CORIN: variants seen among roughly 807,000 people sequenced by gnomAD.
CORIN encodes corin, serine peptidase.
Under a neutral mutation model 125.3 loss-of-function variants are expected in CORIN, and 117 were observed. The ratio of observed to expected loss-of-function variants is 0.93; its 90% CI spans 0.80 to 1.09. CORIN has a LOEUF of 1.09. Among genes scored for constraint, CORIN ranks in the 50% least tolerant of loss-of-function variants. The pLI is 0.00. For synonymous variants in CORIN, 450 were observed against 466.4 expected (o/e 0.96, Z 0.45); for missense variants, 1,253 against 1,306.7 (o/e 0.96, Z 0.63).
At chr4:47,710,602 C>T (rs34122903) in intron 5 of CORIN, among the ~76,000 whole-genome samples, 14,963 of 152,228 alleles carry the variant, frequency 0.098, 869 homozygotes, top group East Asian at 0.27. Context: ...CCCTATAGAG[C>T]TCCTCCTTCC....
intron 19 of CORIN, among the ~76,000 whole-genome samples, chr4:47,606,948 TG>T (rs1721673440): frequency 6.6e-6 from 1 of 152,254 alleles, no homozygotes; most frequent in Admixed American, 6.5e-5. Context: ...TACTAAGTTT[TG>T]GCTGTGAAAA....
rs547315422 is a variant in CORIN at position 47,734,795 on chromosome 4, G to A, written c.799+9607C>T. Among the ~76,000 whole-genome samples, 8 of 152,284 alleles carry A rather than the reference G, an allele frequency of 5.3e-5. No homozygotes were observed. In the South Asian group the frequency reaches 1.7e-3, roughly 32 times the overall value. On this transcript the variant is annotated intron_variant, in intron 5 of 21. Coordinates refer to ENST00000273857, the MANE Select transcript of CORIN (RefSeq NM_006587.4). ...CATGTACATTGTAGGATGTTTGGCA[G>A]CATATCTTGCCTCTACCTACTAGGT...
At chr4:47,712,886 T>C (rs73142087) in intron 5 of CORIN, among the ~76,000 whole-genome samples, 54 of 152,080 alleles carry the variant, frequency 3.6e-4, no homozygotes, top group African/African-American at 1.2e-3. Flanking sequence ...GAGAGAAACA[T>C]AAAAGGAAGA....
intron 1 of CORIN, among the ~76,000 whole-genome samples, chr4:47,807,504 A>C (rs1383389749): frequency 6.6e-6 from 1 of 152,172 alleles, no homozygotes; most frequent in Non-Finnish European, 1.5e-5. Context: ...ACCAAATGTG[A>C]ATGAATCTGG....
chr4:47,708,833 A>G (rs1294664760), intron 5 of CORIN, among the ~76,000 whole-genome samples: 1 of 152,218 alleles, frequency 6.6e-6, no homozygotes, highest in Non-Finnish European at 1.5e-5. Flanking sequence ...CATCTTGGCC[A>G]TGCAAGATCA....
chr4:47,801,351 G>A (rs1731532448), intron 2 of CORIN, among the ~76,000 whole-genome samples: 1 of 152,108 alleles, frequency 6.6e-6, no homozygotes, highest in South Asian at 2.1e-4. Flanking sequence ...AACTAACCTG[G>A]TTAGATACAG....
rs746921612 is a variant in CORIN, at chr4:47,632,766, G to GAT, written c.2199-6246_2199-6245insAT. ...AGATAGATAGATAGATAGATAGATA[G>GAT]AGATAGATAGTTAGATAGATTTTTT... On this transcript the variant is annotated intron_variant, in intron 16 of 21. Transcript: ENST00000273857. 9.8e-3 allele frequency among the ~76,000 whole-genome samples: 621 copies of GAT among 63,422 alleles called. 6 individuals carry two copies. The highest frequency in any genetic ancestry group is 0.013 in the Non-Finnish European group (387 of 30,614). The allele number at this position is 63,422 out of a possible 152,430, so 41.6% of individuals were successfully genotyped here.
chr4:47,642,127 G>T, intron 15 of CORIN, 78 bp from the exon 16 acceptor site: 1 of 1,434,498 alleles, frequency 7.0e-7, no homozygotes, highest in Non-Finnish European at 9.6e-7. Context: ...ACATGCCTCT[G>T]CTTCATTGGC....
chr4:47,721,331 G>A lies in CORIN; in HGVS notation c.799+23071C>T, dbSNP rs61335778. Among the ~76,000 whole-genome samples the A allele has an allele frequency of 6.3e-3, 949 of 151,218 alleles. 7 individuals are homozygous for A. Among genetic ancestry groups the A allele is most frequent in the African/African-American group, 0.022 (923 of 41,114 alleles). On this transcript the variant is annotated intron_variant, in intron 5 of 21. Coordinates refer to ENST00000273857, the MANE Select transcript of CORIN (RefSeq NM_006587.4). ...GTCACCCAGGCTAGAGTGCAATGGT[G>A]CGATCTCAGCTCACTGCAACCTCCA... is the stretch of plus-strand genomic sequence containing the variant.
At chr4:47,638,419 C>T (rs1328034188) in intron 16 of CORIN, among the ~76,000 whole-genome samples, 1 of 152,140 alleles carries the variant, frequency 6.6e-6, no homozygotes, top group African/African-American at 2.4e-5. Flanking sequence ...TGTGTCTCCA[C>T]CCAAATCTCA....
chr4:47,772,845 T>C (rs1031649235), intron 3 of CORIN, among the ~76,000 whole-genome samples: 1 of 152,208 alleles, frequency 6.6e-6, no homozygotes. Context: ...TTTGTATCCA[T>C]GTTACATAGG....
At chr4:47,652,603 AG>A (rs1723783844) in intron 13 of CORIN, 1 of 152,240 alleles carries the variant, frequency 6.6e-6, no homozygotes, top group East Asian at 1.9e-4. Flanking sequence ...TGTGGTTACA[AG>A]TACAAAGATT....
intron 6 of CORIN, among the ~76,000 whole-genome samples, chr4:47,684,364 T>C (rs988124918): frequency 2.0e-5 from 3 of 152,214 alleles, no homozygotes; most frequent in Non-Finnish European, 4.4e-5. Context: ...CCAAAGACTA[T>C]GGTGGCAAGA....
chr4:47,657,624 A>G (rs948583901), intron 12 of CORIN, among the ~76,000 whole-genome samples: 2 of 152,102 alleles, frequency 1.3e-5, no homozygotes, highest in African/African-American at 4.8e-5. Context: ...CAGGCTTTAA[A>G]GGAGGCCTAG....
chr4:47,670,226 C>T (rs1222652185), intron 10 of CORIN, among the ~76,000 whole-genome samples: 1 of 152,188 alleles, frequency 6.6e-6, no homozygotes, highest in Non-Finnish European at 1.5e-5. Flanking sequence ...ATTCTGATTT[C>T]CCTCTTTTTG....
chr4:47,753,358 G>A (rs1295689674), intron 4 of CORIN, among the ~76,000 whole-genome samples: 1 of 152,172 alleles, frequency 6.6e-6, no homozygotes, highest in Non-Finnish European at 1.5e-5. Flanking sequence ...ATATTGTCTT[G>A]TTAAACATCT....
chr4:47,834,917 A>G (rs1733305501), intron 1 of CORIN, among the ~76,000 whole-genome samples: 1 of 152,184 alleles, frequency 6.6e-6, no homozygotes. Flanking sequence ...TTTTCTGACC[A>G]AGGAAACTGA....
intron 16 of CORIN, among the ~76,000 whole-genome samples, chr4:47,635,747 C>T (rs1428048993): frequency 2.0e-5 from 3 of 152,148 alleles, no homozygotes; most frequent in Non-Finnish European, 4.4e-5. Flanking sequence ...GCTGTCAGTC[C>T]TGTCTTTCAG....
At chr4:47,677,908 G>A in intron 9 of CORIN, 30 bp downstream of exon 9, 3 of 1,451,998 alleles carry the variant, frequency 2.1e-6, no homozygotes, top group Non-Finnish European at 2.9e-6. Flanking sequence ...ACCAGTAAAG[G>A]AATGTTCTGG....
Sources: allele counts gnomAD v4.1 joint callset (sites outside exome capture counted in the v4.1 genomes callset), GRCh38; gene constraint gnomAD v4.1.1; transcripts MANE v1.5; gene names NCBI Gene and HGNC (gene_info 2026-07-23, HGNC 2026-07-21).